The following VAT1L variants were observed in gnomAD, a reference collection of about 807,000 sequenced individuals.
VAT1L encodes the protein putative NADPH-dependent quinone oxidoreductase VAT1L.
In VAT1L, 34 loss-of-function variants were observed where a neutral mutation model predicts 44.1. The observed-to-expected ratio is 0.77, with a 90% CI of 0.59 to 1.03. The LOEUF is 1.03. VAT1L is among the 50% of genes least tolerant of loss of function. VAT1L has a pLI of 0.00. For missense variants in VAT1L, 615 were observed against 538.8 expected (o/e 1.14, Z -1.40); for synonymous variants, 253 against 202.2 (o/e 1.25, Z -2.13).
chr16:77,930,815 T>C (rs2017723461), intron 7 of VAT1L, among the ~76,000 whole-genome samples: 1 of 152,180 alleles, frequency 6.6e-6, no homozygotes. Context: ...GTGTTTGTCA[T>C]TCTGGAAAGA....
In VAT1L at chr16:77,916,319, C is replaced by T. The variant is rs151204866; in HGVS notation, c.1077+31517C>T. On this transcript the variant is annotated intron_variant, in intron 7 of 8. Coordinates refer to ENST00000302536, the MANE Select transcript of VAT1L (RefSeq NM_020927.3). The stretch of plus-strand genomic sequence containing the variant: ...TCTCCCTGCAACAGCGTCCTTACAA[C>T]ATGGTATGGCGCAAGGGGCTCAGGT... Among the ~76,000 whole-genome samples, 238 of 152,282 alleles carry T rather than the reference C, an allele frequency of 1.6e-3. 1 individual carries two copies. Among genetic ancestry groups the T allele is most frequent in the African/African-American group, 5.4e-3 (226 of 41,552 alleles).
rs562562117 is a variant in VAT1L at position 77,789,268 on chromosome 16, A to T, written c.233+353A>T. Among the ~76,000 whole-genome samples, 8 of 152,286 alleles carry T rather than the reference A, an allele frequency of 5.3e-5. No homozygotes were observed. In the South Asian group the frequency reaches 8.3e-4, roughly 16 times the overall value. ...GTTGATGCTTAACAGAATTAAAAAT[A>T]TATGTATTAAGAACCGCAAGCCCAC... On this transcript the variant is annotated intron_variant, in intron 1 of 8. Coordinates refer to ENST00000302536, the MANE Select transcript of VAT1L (RefSeq NM_020927.3).
chr16:77,879,871 A>G lies in VAT1L; in HGVS notation c.882+647A>G, dbSNP rs1465828169. Reference sequence around the variant, plus strand: ...TGCTCCATAGAGCGGCCAGCCTTTCACTTTGCTACTTTCTGACCAGGTCTC... The same window carrying G: ...TGCTCCATAGAGCGGCCAGCCTTTCGCTTTGCTACTTTCTGACCAGGTCTC... On this transcript the variant is annotated intron_variant, in intron 6 of 8. Coordinates refer to ENST00000302536, the MANE Select transcript of VAT1L (RefSeq NM_020927.3). The surrounding 1 kb of genome is among the most constrained non-coding windows in gnomAD (Gnocchi z 4.1). 6.6e-6 allele frequency among the ~76,000 whole-genome samples: 1 copy of G among 152,130 alleles called. No individual in the cohort carries two copies. The highest frequency in any genetic ancestry group is 6.5e-5 in the Admixed American group (1 of 15,272).
At chr16:77,913,491 G>A (rs142233353) in intron 7 of VAT1L, among the ~76,000 whole-genome samples, 4 of 149,898 alleles carry the variant, frequency 2.7e-5, no homozygotes, top group Non-Finnish European at 5.9e-5. Context: ...ATCAGCTCTC[G>A]ATCCTCATCA....
intron 7 of VAT1L, among the ~76,000 whole-genome samples, chr16:77,948,982 C>G (rs942371174): frequency 6.6e-6 from 1 of 152,168 alleles, no homozygotes; most frequent in Non-Finnish European, 1.5e-5. Context: ...CTTATCATTA[C>G]TGAATTTACA....
chr16:77,821,840 G>C (rs957414156), intron 2 of VAT1L, among the ~76,000 whole-genome samples: 3 of 152,188 alleles, frequency 2.0e-5, no homozygotes, highest in Non-Finnish European at 4.4e-5. Flanking sequence ...GGGGAAGGTT[G>C]GTCGTCAGGG....
chr16:77,948,573 A>T (rs1474305889), intron 7 of VAT1L, among the ~76,000 whole-genome samples: 1 of 152,178 alleles, frequency 6.6e-6, no homozygotes, highest in Non-Finnish European at 1.5e-5. Context: ...ATTATAGGAT[A>T]CTGACACCCC....
At chr16:77,878,201 A>G (rs758945860) in intron 5 of VAT1L, among the ~76,000 whole-genome samples, 1 of 152,150 alleles carries the variant, frequency 6.6e-6, no homozygotes, top group Non-Finnish European at 1.5e-5. Flanking sequence ...ATGGTTCACT[A>G]TTATGCTGGT....
intron 4 of VAT1L, among the ~76,000 whole-genome samples, chr16:77,864,051 T>C (rs2016943721): frequency 6.6e-6 from 1 of 152,188 alleles, no homozygotes; most frequent in Non-Finnish European, 1.5e-5. Context: ...TCTGAAGTTA[T>C]TGATCATGGC....
intron 7 of VAT1L, among the ~76,000 whole-genome samples, chr16:77,955,741 A>AAAG (rs1158713351): frequency 2.7e-5 from 4 of 150,742 alleles, no homozygotes; most frequent in East Asian, 2.0e-4. Flanking sequence ...AAAAAAAAAA[A>AAAG]AGAGAGAGAA....
chr16:77,816,784 A>G (rs2016362703), intron 1 of VAT1L, 137 bp from the exon 2 acceptor site: 1 of 1,169,856 alleles, frequency 8.5e-7, no homozygotes, highest in Non-Finnish European at 1.2e-6. Flanking sequence ...TTTGCCAAAA[A>G]GAAAAAAAAA....
chr16:77,865,955 C>G (rs544228712), intron 4 of VAT1L, among the ~76,000 whole-genome samples: 197 of 152,312 alleles, frequency 1.3e-3, no homozygotes, highest in Middle Eastern at 6.8e-3. Context: ...CCCCACATCA[C>G]TGGTGTCTGC....
intron 1 of VAT1L, among the ~76,000 whole-genome samples, chr16:77,798,031 G>A (rs1030595786): frequency 1.3e-5 from 2 of 152,122 alleles, no homozygotes; most frequent in African/African-American, 2.4e-5. Context: ...AGAGCATGCC[G>A]TCAGCATCTG....
chr16:77,883,202 A>G (rs994640285), intron 6 of VAT1L, among the ~76,000 whole-genome samples: 2 of 152,198 alleles, frequency 1.3e-5, no homozygotes, highest in Admixed American at 6.5e-5. Flanking sequence ...TGCCCATCAC[A>G]TTCCTCTTTG....
intron 7 of VAT1L, among the ~76,000 whole-genome samples, chr16:77,939,379 G>A (rs533571106): frequency 3.7e-4 from 57 of 152,290 alleles, no homozygotes; most frequent in Non-Finnish European, 7.3e-5. Context: ...CAAACCAGTG[G>A]GGGGCCGGAG....
intron 8 of VAT1L, among the ~76,000 whole-genome samples, chr16:77,973,892 A>T (rs1217622361): frequency 6.6e-6 from 1 of 151,620 alleles, no homozygotes; most frequent in Non-Finnish European, 1.5e-5. Context: ...TGCCTGGCTA[A>T]TTTTTTTGTA....
At chr16:77,919,608 G>T (rs1428999422) in intron 7 of VAT1L, among the ~76,000 whole-genome samples, 40 of 152,160 alleles carry the variant, frequency 2.6e-4, no homozygotes, top group Non-Finnish European at 5.9e-5. Flanking sequence ...AGATGAGTGA[G>T]TCAATGTGTG....
intron 1 of VAT1L, among the ~76,000 whole-genome samples, chr16:77,797,389 G>C (rs1317958692): frequency 6.6e-6 from 1 of 152,170 alleles, no homozygotes; most frequent in Non-Finnish European, 1.5e-5. Flanking sequence ...GGGATTACAG[G>C]CGTGAGCCAC....
At chr16:77,846,138 G>A (rs2016756375) in intron 3 of VAT1L, among the ~76,000 whole-genome samples, 1 of 152,280 alleles carries the variant, frequency 6.6e-6, no homozygotes, top group East Asian at 1.9e-4. Context: ...TGATAATGAG[G>A]TTCTTAATTA....
Sources: allele counts gnomAD v4.1 joint callset (sites outside exome capture counted in the v4.1 genomes callset), GRCh38; gene constraint gnomAD v4.1.1; non-coding constraint Gnocchi (gnomAD v3.1); transcripts MANE v1.5; gene names NCBI Gene and HGNC (gene_info 2026-07-23, HGNC 2026-07-21).